GLIS3: variants seen among roughly 807,000 people sequenced by gnomAD.
The protein encoded by GLIS3 is GLIS family zinc finger 3, also known as zinc finger protein GLIS3.
GLIS3 carries 53 observed loss-of-function variants against 78.6 expected under a neutral mutation model. The ratio of observed to expected loss-of-function variants is 0.67; its 90% CI spans 0.54 to 0.85. The LOEUF (loss-of-function observed/expected upper bound fraction) is 0.85, where lower values mean the gene tolerates loss of function less well. GLIS3 is among the 40% of genes least tolerant of loss of function. The pLI is 0.00. For synonymous variants in GLIS3, 684 were observed against 509.9 expected (o/e 1.34, Z -4.60); for missense variants, 1,703 against 1,231.1 (o/e 1.38, Z -5.74).
intron 4 of GLIS3, among the ~76,000 whole-genome samples, chr9:4,082,576 C>G (rs1564023292): frequency 1.3e-5 from 2 of 152,150 alleles, no homozygotes; most frequent in South Asian, 4.1e-4. Context: ...TTACACGAAG[C>G]TGAAATCTTC....
intron 2 of GLIS3, among the ~76,000 whole-genome samples, chr9:4,165,701 G>A (rs541400311): frequency 1.5e-3 from 223 of 152,304 alleles, no homozygotes; most frequent in African/African-American, 5.2e-3. Flanking sequence ...TGAGTATGAT[G>A]TGCCTATGCA....
At chr9:4,437,454 ATCTATCTATCTATC>A in the GLIS3 span, among the ~76,000 whole-genome samples, 45 of 151,888 alleles carry the variant, frequency 3.0e-4, no homozygotes, top group African/African-American at 6.3e-4. Context: ...CTATCTATCT[ATCTATCTATCTATC>A]TATATATCAT....
chr9:4,390,057 C>T, the GLIS3 span, among the ~76,000 whole-genome samples: 3 of 152,262 alleles, frequency 2.0e-5, no homozygotes, highest in Admixed American at 1.3e-4. Flanking sequence ...AAAACCCAGA[C>T]TAATAAAAAA....
intron 2 of GLIS3, among the ~76,000 whole-genome samples, chr9:4,135,906 G>A (rs746495113): frequency 3.7e-4 from 56 of 152,290 alleles, no homozygotes; most frequent in Middle Eastern, 6.8e-3. Context: ...GGCTTGCTAT[G>A]TAGTGTTTTG....
At chr9:4,410,101 GC>G in the GLIS3 span, among the ~76,000 whole-genome samples, 5 of 151,206 alleles carry the variant, frequency 3.3e-5, no homozygotes, top group Non-Finnish European at 2.9e-5. Flanking sequence ...CTCCTAAATT[GC>G]TGGGATTACA....
chr9:4,300,469 G>A (rs554010343), upstream of GLIS3, among the ~76,000 whole-genome samples: 29 of 152,290 alleles, frequency 1.9e-4, no homozygotes, highest in South Asian at 5.8e-3. Flanking sequence ...CAAAAGGGTT[G>A]CTTTGAAATA....
intron 2 of GLIS3, among the ~76,000 whole-genome samples, chr9:4,169,993 G>C (rs1189027643): frequency 1.3e-5 from 2 of 152,172 alleles, no homozygotes; most frequent in Non-Finnish European, 2.9e-5. Flanking sequence ...ATACGCCAGA[G>C]AATTATTTAA....
At chr9:4,271,483 A>T (rs892209252) in intron 2 of GLIS3, among the ~76,000 whole-genome samples, 2 of 152,192 alleles carry the variant, frequency 1.3e-5, no homozygotes, top group African/African-American at 4.8e-5. Flanking sequence ...AAAAAACAGA[A>T]AAGTTATCTC....
Position 4,312,473 on chromosome 9 carries a change from G to GA in GLIS3, n.265-1946dup, listed in dbSNP as rs572430369. Among the ~76,000 whole-genome samples the GA allele has an allele frequency of 3.6e-3, 548 of 152,158 alleles. 3 individuals carry two copies. Among genetic ancestry groups the GA allele is most frequent in the Middle Eastern group, 6.8e-3 (2 of 294 alleles). ...ACAGAGTGAGACTTTGTCTCAAAAA[G>GA]AAAAAAACTTTCCAGTTGTACACAT... On this transcript the variant is annotated intron_variant and non_coding_transcript_variant, in intron 2 of 4. Transcript: ENST00000471664.
chr9:4,288,183 G>A (rs951328080), intron 1 of GLIS3, among the ~76,000 whole-genome samples: 2 of 152,124 alleles, frequency 1.3e-5, no homozygotes, highest in African/African-American at 4.8e-5. Flanking sequence ...CCATTCATTG[G>A]TAGATCATGA....
chr9:4,194,228 C>A (rs1340249038), intron 2 of GLIS3, among the ~76,000 whole-genome samples: 1 of 151,748 alleles, frequency 6.6e-6, no homozygotes, highest in East Asian at 1.9e-4. Context: ...CAGCTAATTT[C>A]TTTTGTATTT....
At chr9:4,293,112 T>TAA (rs1298740954) in intron 1 of GLIS3, among the ~76,000 whole-genome samples, 1 of 152,094 alleles carries the variant, frequency 6.6e-6, no homozygotes, top group African/African-American at 2.4e-5. Context: ...ACATAAGGAA[T>TAA]AAAATGTGGC....
At chr9:3,907,089 C>A (rs893536175) in intron 6 of GLIS3, among the ~76,000 whole-genome samples, 18 of 152,058 alleles carry the variant, frequency 1.2e-4, no homozygotes, top group African/African-American at 4.3e-4. Context: ...CCAGACCAGT[C>A]CACACTGCGC....
chr9:4,007,142 A>C (rs1336770090), intron 4 of GLIS3, among the ~76,000 whole-genome samples: 1 of 152,212 alleles, frequency 6.6e-6, no homozygotes, highest in African/African-American at 2.4e-5. Flanking sequence ...TACCCACTGC[A>C]CATCCAAACA....
At chr9:4,368,479 G>A in the GLIS3 span, among the ~76,000 whole-genome samples, 1 of 152,012 alleles carries the variant, frequency 6.6e-6, no homozygotes, top group Non-Finnish European at 1.5e-5. Context: ...CAAGTAGCCG[G>A]GACTACAGGT....
chr9:4,326,824 T>G (rs1418981796), intron 2 of GLIS3, among the ~76,000 whole-genome samples: 1 of 152,016 alleles, frequency 6.6e-6, no homozygotes, highest in African/African-American at 2.4e-5. Flanking sequence ...GGGGCTGGGT[T>G]TGGAAGAACA....
intron 6 of GLIS3, among the ~76,000 whole-genome samples, chr9:3,908,891 T>A (rs1823934035): frequency 2.6e-5 from 4 of 152,132 alleles, no homozygotes; most frequent in Admixed American, 2.0e-4. Context: ...TCTTCAATTT[T>A]CAGTTCCATT....
chr9:4,388,703 G>C, the GLIS3 span, among the ~76,000 whole-genome samples: 1,910 of 151,804 alleles, frequency 0.013, 38 homozygotes, highest in African/African-American at 0.044. Flanking sequence ...TAAAAATAAA[G>C]TGGACAAAAA....
At chr9:3,919,405 A>C (rs570485584) in intron 6 of GLIS3, among the ~76,000 whole-genome samples, 5 of 152,296 alleles carry the variant, frequency 3.3e-5, no homozygotes, top group South Asian at 4.1e-4. Context: ...TGTTCTCATC[A>C]TTTAGCTCCC....
Sources: allele counts gnomAD v4.1 joint callset (sites outside exome capture counted in the v4.1 genomes callset), GRCh38; gene constraint gnomAD v4.1.1; transcripts MANE v1.5; gene names NCBI Gene and HGNC (gene_info 2026-07-23, HGNC 2026-07-21).